Variants in NRP1 observed in about 807,000 individuals in gnomAD.
NRP1 encodes the protein neuropilin 1.
NRP1 carries 35 observed loss-of-function variants against 106.7 expected under a neutral mutation model. That is an observed-to-expected ratio of 0.33 (90% confidence interval 0.25 to 0.43). The LOEUF is 0.43. NRP1 is among the 20% of genes least tolerant of loss of function. The probability of loss-of-function intolerance (pLI) is 1.00; values close to 1 mark genes in which losing one functional copy is unlikely to be tolerated. For synonymous variants in NRP1, 437 were observed against 417.9 expected, an observed-to-expected ratio of 1.05 and a Z score of -0.56; for missense variants, 1,024 against 1,170.4, an observed-to-expected ratio of 0.87 and a Z score of 1.83.
At chr10:33,274,437 T>C (rs1169197125) in intron 2 of NRP1, among the ~76,000 whole-genome samples, 2 of 152,178 alleles carry the variant, frequency 1.3e-5, no homozygotes, top group Non-Finnish European at 2.9e-5. Flanking sequence ...TTTTTTTCTT[T>C]GGGAAAGTTT....
At chr10:33,261,112 T>C (rs1302903843) in intron 4 of NRP1, among the ~76,000 whole-genome samples, 1 of 152,084 alleles carries the variant, frequency 6.6e-6, no homozygotes, top group Non-Finnish European at 1.5e-5. Context: ...CAAACACATC[T>C]TCATATTCCA....
intron 12 of NRP1, chr10:33,194,629 T>C (rs758901951): frequency 2.4e-5 from 11 of 462,092 alleles, no homozygotes; most frequent in Non-Finnish European, 4.0e-5. Context: ...TGAACCGCTC[T>C]AAGTTTTTGT....
In NRP1 at chr10:33,185,617, C is replaced by T; in HGVS notation, c.2431+11G>A. 1 of 1,592,492 alleles carries T rather than the reference C, an allele frequency of 6.3e-7. No individual in the cohort carries two copies. Among genetic ancestry groups the T allele is most frequent in the Non-Finnish European group, 8.6e-7 (1 of 1,160,406 alleles). ...AGCACTCCATTGGTTTCTACAGCAG[C>T]TCATACTTACTTGCACAATCTTCTT... On this transcript the variant is annotated intron_variant, in intron 15 of 16. Transcript: ENST00000374867.
At chr10:33,316,446 G>A (rs1329459228) in intron 2 of NRP1, among the ~76,000 whole-genome samples, 2 of 152,210 alleles carry the variant, frequency 1.3e-5, no homozygotes, top group African/African-American at 4.8e-5. Context: ...GAAATGGTCA[G>A]TTCTCCAGGT....
At chr10:33,265,727 C>T (rs150220760) in intron 3 of NRP1, among the ~76,000 whole-genome samples, 5 of 152,304 alleles carry the variant, frequency 3.3e-5, no homozygotes, top group African/African-American at 1.2e-4. Context: ...CCTTCTTGGA[C>T]GTGGCTCACC....
Position 33,297,821 on chromosome 10 carries a change from AG to A in NRP1, c.249-26966del, listed in dbSNP as rs1244904570. ...GGAGAAGGAGGAGAGGAAGGAACAG[AG>A]GCTGTCACCCCTTGATGATTTTCTG... is the stretch of plus-strand genomic sequence containing the variant. On this transcript the variant is annotated intron_variant, in intron 2 of 16. Transcript: ENST00000374867. 2.0e-5 allele frequency among the ~76,000 whole-genome samples: 3 copies of A among 152,058 alleles called. No individual in the cohort carries two copies. The East Asian group carries it at 5.8e-4, about 29-fold the overall frequency.
At chr10:33,240,867 C>A (rs1185751399) in intron 6 of NRP1, among the ~76,000 whole-genome samples, 1 of 152,166 alleles carries the variant, frequency 6.6e-6, no homozygotes, top group East Asian at 1.9e-4. Flanking sequence ...TGTGGGTAAA[C>A]AGTTAGTCTC....
chr10:33,254,219 G>A (rs375583555), intron 5 of NRP1, 25 bp from the exon 6 acceptor site: 3 of 1,584,084 alleles, frequency 1.9e-6, no homozygotes, highest in Non-Finnish European at 2.6e-6. Flanking sequence ...AGGGCCCACA[G>A]TCATCAAAAT....
chr10:33,303,361 G>A (rs894547961), intron 2 of NRP1, among the ~76,000 whole-genome samples: 5 of 152,288 alleles, frequency 3.3e-5, no homozygotes, highest in African/African-American at 4.8e-5. Context: ...CACTCAGAGG[G>A]CACTTAATAA....
At chr10:33,192,180 C>A (rs1205239173) in intron 13 of NRP1, 101 bp downstream of exon 13, 2 of 1,295,616 alleles carry the variant, frequency 1.5e-6, no homozygotes, top group East Asian at 4.8e-5. Flanking sequence ...GTAATTCCTA[C>A]CCGCCCTAAA....
chr10:33,237,546 A>G (rs556108772), intron 6 of NRP1, among the ~76,000 whole-genome samples: 1 of 149,910 alleles, frequency 6.7e-6, no homozygotes, highest in East Asian at 2.0e-4. Context: ...ACATTTGAAA[A>G]TATTTGCTAT....
At position 33,179,969 on chromosome 10, in the gene NRP1, GTCA is replaced by G; in HGVS notation, c.*104_*106del. On this transcript the variant is annotated 3_prime_UTR_variant, in exon 17 of 17. Transcript: ENST00000374867. ...CTCCTGAGAAAAGCCTGGCTCAGTG[GTCA>G]TCAACACACTTCCCAGCCTGTATAG... is the stretch of plus-strand genomic sequence containing the variant. 8.6e-7 allele frequency: 1 copy of G among 1,156,194 alleles called. No homozygotes were observed. Among genetic ancestry groups the G allele is most frequent in the Non-Finnish European group, 1.3e-6 (1 of 799,286 alleles). 71.6% of individuals were successfully genotyped at this position (1,156,194 alleles called of 1,614,324 possible). A position where few individuals can be genotyped will look rare whatever the true frequency, so the allele number is the denominator to read the frequency against.
rs762272860 is a variant in NRP1 at position 33,180,452 on chromosome 10, A to G, written c.2483-87T>C. 11 of 1,320,460 alleles carry G rather than the reference A, an allele frequency of 8.3e-6. No individual in the cohort carries two copies. The South Asian group carries it at 1.5e-4, about 17-fold the overall frequency. The allele number at this position is 1,320,460 out of a possible 1,614,324, so 81.8% of individuals were successfully genotyped here. ...GAAAAATAGAAAGGAACGAAACAGG[A>G]GCAAATCACACACCCCAGTTTTGCC... On this transcript the variant is annotated intron_variant, in intron 16 of 16. Coordinates refer to ENST00000374867, the MANE Select transcript of NRP1 (RefSeq NM_003873.7).
At chr10:33,202,579 TGAAAA>T (rs1837419154) in intron 11 of NRP1, 11 of 869,982 alleles carry the variant, frequency 1.3e-5, no homozygotes, top group South Asian at 6.0e-5. Context: ...GGGGGGGGTC[TGAAAA>T]TAATGAAAAT....
chr10:33,194,448 GC>G (rs955997715), intron 12 of NRP1: 1 of 217,278 alleles, frequency 4.6e-6, no homozygotes, highest in African/African-American at 2.3e-5. Flanking sequence ...CATTCTTTTG[GC>G]TCTTCATATT....
chr10:33,281,776 G>T (rs1844150838), intron 2 of NRP1, among the ~76,000 whole-genome samples: 1 of 152,192 alleles, frequency 6.6e-6, no homozygotes, highest in South Asian at 2.1e-4. Flanking sequence ...CATGACGCTT[G>T]TAGGTGTTCG....
At chr10:33,203,326 C>A (rs1837493083) in intron 10 of NRP1, among the ~76,000 whole-genome samples, 1 of 152,190 alleles carries the variant, frequency 6.6e-6, no homozygotes, top group Non-Finnish European at 1.5e-5. Flanking sequence ...GAGTTGAGAA[C>A]TTTGAAGACA....
At chr10:33,297,388 C>T (rs147712619) in intron 2 of NRP1, among the ~76,000 whole-genome samples, 176 of 152,260 alleles carry the variant, frequency 1.2e-3, no homozygotes, top group African/African-American at 4.0e-3. Flanking sequence ...TTATATCTTA[C>T]GTGGCTAAAG....
chr10:33,221,786 T>A lies in NRP1; in HGVS notation c.1215A>T (p.Arg405=). 1.2e-6 allele frequency: 2 copies of A among 1,614,168 alleles called. No individual in the cohort carries two copies. The highest frequency in any genetic ancestry group is 1.7e-6 in the Non-Finnish European group (2 of 1,179,994). ...FPKPLITRFV[R]IKPATWETGI... is the part of the protein sequence containing the mutation. ...CAGTTTCCCAAGTTGCAGGCTTGAT[T>A]CGGACAAATCGAGTTATCAGTGGTT... The change falls in exon 8 of 17, where the codon CGA becomes CGT. Residue 405 remains arginine (R), a synonymous_variant. Coordinates refer to ENST00000374867, the MANE Select transcript of NRP1 (RefSeq NM_003873.7).
Sources: gnomAD v4.1 joint callset for allele counts (sites outside exome capture counted in the v4.1 genomes callset) on GRCh38, gnomAD v4.1.1 for gene constraint, MANE v1.5 for transcripts, NCBI Gene and HGNC (gene_info 2026-07-23, HGNC 2026-07-21) for gene names.